The following MTMR3 variants were observed in gnomAD, a reference collection of about 807,000 sequenced individuals.
The protein encoded by MTMR3 is phosphatidylinositol-3,5-bisphosphate 3-phosphatase MTMR3.
Under a neutral mutation model 132.4 loss-of-function variants are expected in MTMR3, and 32 were observed. The observed-to-expected ratio is 0.24, with a 90% confidence interval of 0.18 to 0.32. MTMR3 has a LOEUF of 0.32. Ranked by LOEUF, MTMR3 falls within the 10% of genes least tolerant of loss-of-function variation. MTMR3 has a pLI of 1.00. For synonymous variants in MTMR3, 556 were observed against 550.3 expected (o/e 1.01, Z -0.14); for missense variants, 1,216 against 1,489.6 (o/e 0.82, Z 3.02).
chr22:29,956,634 A>G (rs2066197362), intron 1 of MTMR3, among the ~76,000 whole-genome samples: 1 of 152,192 alleles, frequency 6.6e-6, no homozygotes, highest in Admixed American at 6.5e-5. Flanking sequence ...TATGTGTACA[A>G]AACACCTTAA....
chr22:29,955,167 A>G (rs1162503793), intron 1 of MTMR3, among the ~76,000 whole-genome samples: 1 of 152,068 alleles, frequency 6.6e-6, no homozygotes, highest in Non-Finnish European at 1.5e-5. Context: ...TTAAATTTTT[A>G]TAGAGATGAG....
chr22:29,959,128 T>C (rs189522192), intron 2 of MTMR3, among the ~76,000 whole-genome samples: 160 of 152,322 alleles, frequency 1.1e-3, no homozygotes, highest in African/African-American at 3.8e-3. Flanking sequence ...TGAGATTCCA[T>C]GTTCAGTAGG....
chr22:29,975,504 A>G (rs1411496493), intron 3 of MTMR3, among the ~76,000 whole-genome samples: 1 of 152,238 alleles, frequency 6.6e-6, no homozygotes, highest in Non-Finnish European at 1.5e-5. Context: ...TCAGGCAGAT[A>G]CGTGGTTAGA....
intron 19 of MTMR3, chr22:30,023,183 A>T: frequency 2.0e-6 from 1 of 500,444 alleles, no homozygotes; most frequent in South Asian, 2.3e-5. Flanking sequence ...AAGGTTCCTG[A>T]CTTCTTTTTC....
chr22:29,884,381 A>T (rs902868863), intron 1 of MTMR3, among the ~76,000 whole-genome samples: 3 of 151,972 alleles, frequency 2.0e-5, no homozygotes, highest in Non-Finnish European at 2.9e-5. Flanking sequence ...GATTATTATT[A>T]TTTTTTTCAA....
intron 1 of MTMR3, among the ~76,000 whole-genome samples, chr22:29,942,506 A>G (rs563713751): frequency 5.9e-5 from 9 of 152,304 alleles, no homozygotes; most frequent in African/African-American, 2.2e-4. Context: ...TGGTCTGACC[A>G]AAATTTATTA....
At chr22:29,886,183 A>G (rs1017390224) in intron 1 of MTMR3, among the ~76,000 whole-genome samples, 4 of 152,206 alleles carry the variant, frequency 2.6e-5, no homozygotes, top group African/African-American at 7.2e-5. Context: ...AAGCTACCTG[A>G]TATTTTGCAA....
chr22:29,928,098 G>T (rs1488566866), intron 1 of MTMR3, among the ~76,000 whole-genome samples: 2 of 149,790 alleles, frequency 1.3e-5, no homozygotes, highest in African/African-American at 4.9e-5. Context: ...AAACCACCAC[G>T]CCTGTCTAGC....
chr22:29,949,772 A>G (rs2066037544), intron 1 of MTMR3, among the ~76,000 whole-genome samples: 1 of 152,168 alleles, frequency 6.6e-6, no homozygotes, highest in Non-Finnish European at 1.5e-5. Context: ...TGAGGGAGGA[A>G]GGAGAGTCGT....
chr22:29,891,945 GAGATCGAGACCATCCTGGCT>G (rs2145706051), intron 1 of MTMR3, among the ~76,000 whole-genome samples: 1 of 152,070 alleles, frequency 6.6e-6, no homozygotes, highest in East Asian at 2.0e-4. Context: ...ATGAGGTCAG[GAGATCGAGACCATCCTGGCT>G]AACACCGTGA....
At chr22:29,952,209 C>A (rs1361705571) in intron 1 of MTMR3, among the ~76,000 whole-genome samples, 1 of 152,102 alleles carries the variant, frequency 6.6e-6, no homozygotes, top group Non-Finnish European at 1.5e-5. Context: ...TGACAACTTA[C>A]TAGATTTTTT....
intron 1 of MTMR3, among the ~76,000 whole-genome samples, chr22:29,928,113 A>G (rs1382982657): frequency 6.8e-6 from 1 of 146,354 alleles, no homozygotes; most frequent in East Asian, 2.0e-4. Flanking sequence ...TCTAGCCATC[A>G]TTTTTAATCC....
Position 30,019,629 on chromosome 22 carries a change from G to A in MTMR3, c.1970G>A (p.Gly657Glu). ...SLELSSLAGP[G>E]EDPLSADSLG... ...GAGCTGAGCAGCCTGGCTGGCCCTG[G>A]AGAGGATCCCCTTTCTGCCGACAGC... Residue 657 changes from glycine to glutamate, a missense_variant, in exon 17 of 20, where the codon GGA (glycine) becomes GAA (glutamate). By Grantham distance (98) the Gly-to-Glu change is moderately conservative. Around this residue, in one of 7 missense-constraint regions of MTMR3, gnomAD observed 852 missense variants for 852.0 expected, o/e 1.00. Transcript: ENST00000401950. 6.2e-7 allele frequency: 1 copy of A among 1,614,218 alleles called. No individual in the cohort carries two copies. Among genetic ancestry groups the A allele is most frequent in the Non-Finnish European group, 8.5e-7 (1 of 1,180,048 alleles).
chr22:29,987,559 G>A (rs1269701253), intron 5 of MTMR3: 1 of 152,238 alleles, frequency 6.6e-6, no homozygotes, highest in Admixed American at 6.5e-5. Context: ...TGCCTTGAAA[G>A]CCTAGAAATT....
chr22:30,016,480 A>C lies in MTMR3; in HGVS notation c.1504-48A>C, dbSNP rs200565433. On this transcript the variant is annotated intron_variant, in intron 14 of 19. Coordinates refer to ENST00000401950, the MANE Select transcript of MTMR3 (RefSeq NM_021090.4). ...TGGCTCAGCTGAGCTGACTTATCAGAGTGTGCATGCCTGATTGCTTAATTT... is the reference window on the plus strand; with the variant it reads ...TGGCTCAGCTGAGCTGACTTATCAGCGTGTGCATGCCTGATTGCTTAATTT... 15 of 1,588,540 alleles carry C rather than the reference A, an allele frequency of 9.4e-6. 1 individual carries two copies. In the African/African-American group the frequency reaches 2.0e-4, roughly 21 times the overall value.
chr22:29,902,143 G>C (rs957918099), intron 1 of MTMR3, among the ~76,000 whole-genome samples: 1 of 152,060 alleles, frequency 6.6e-6, no homozygotes, highest in African/African-American at 2.4e-5. Flanking sequence ...ATTATAAATT[G>C]CTTGGTAAAC....
At chr22:29,920,327 A>G (rs1690494420) in intron 1 of MTMR3, among the ~76,000 whole-genome samples, 1 of 152,216 alleles carries the variant, frequency 6.6e-6, no homozygotes, top group Non-Finnish European at 1.5e-5. Context: ...AGACCACTGT[A>G]TATTATGCTA....
chr22:29,962,515 A>G lies in MTMR3; in HGVS notation c.-85+5427A>G, dbSNP rs562703718. On this transcript the variant is annotated intron_variant, in intron 2 of 19. Transcript: ENST00000401950. ...GAGCCTCCCCTTTTCCCCCCACAAA[A>G]ATAAAAATAGCCGGGTGTGGTGGCT... 2.6e-3 allele frequency among the ~76,000 whole-genome samples: 399 copies of G among 152,100 alleles called. 4 individuals are homozygous for G. The highest frequency in any genetic ancestry group is 9.3e-3 in the African/African-American group (384 of 41,500).
chr22:29,950,229 A>G lies in MTMR3; in HGVS notation c.-137-6807A>G, dbSNP rs1208940903. On this transcript the variant is annotated intron_variant, in intron 1 of 19. Coordinates refer to ENST00000401950, the MANE Select transcript of MTMR3 (RefSeq NM_021090.4). ...TTCTGCGTGGCTTTAAACTCAGTTA[A>G]TTTCTAATGCTTGAATGTCTGGATT... Among the ~76,000 whole-genome samples, 3 of 152,224 alleles carry G rather than the reference A, an allele frequency of 2.0e-5. No homozygotes were observed. In the East Asian group the frequency reaches 5.8e-4, roughly 29 times the overall value.
Sources: gnomAD v4.1 joint callset for allele counts (sites outside exome capture counted in the v4.1 genomes callset) on GRCh38, gnomAD v4.1.1 for gene constraint, gnomAD v4.1.1 regional missense constraint, MANE v1.5 for transcripts, NCBI Gene and HGNC (gene_info 2026-07-23, HGNC 2026-07-21) for gene names.